Variants in TENM2 observed in about 807,000 individuals in gnomAD.
The protein encoded by TENM2 is teneurin transmembrane protein 2, also known as teneurin-2.
Under a neutral mutation model 245.2 loss-of-function variants are expected in TENM2, and 52 were observed. The ratio of observed to expected loss-of-function variants is 0.21; its 90% CI spans 0.17 to 0.27. The LOEUF is 0.27. TENM2 is among the 10% of genes least tolerant of loss of function. The probability of loss-of-function intolerance (pLI) is 1.00; values close to 1 mark genes in which losing one functional copy is unlikely to be tolerated. For missense variants in TENM2, 3,046 were observed against 3,666.8 expected (o/e 0.83, Z 4.37); for synonymous variants, 1,363 against 1,438.9 (o/e 0.95, Z 1.19).
intron 2 of TENM2, among the ~76,000 whole-genome samples, chr5:167,517,686 C>T (rs921221614): frequency 2.0e-5 from 3 of 152,120 alleles, no homozygotes; most frequent in Admixed American, 6.6e-5. Flanking sequence ...TATCTGGGAA[C>T]ATTTAAAAGC....
At chr5:167,818,665 G>A (rs1767258561) in intron 2 of TENM2, among the ~76,000 whole-genome samples, 1 of 152,078 alleles carries the variant, frequency 6.6e-6, no homozygotes, top group Non-Finnish European at 1.5e-5. Flanking sequence ...AGGGATCTTT[G>A]CTGAGACTTT....
chr5:167,385,788 T>G (rs1761393354), intron 2 of TENM2, among the ~76,000 whole-genome samples: 1 of 151,926 alleles, frequency 6.6e-6, no homozygotes, highest in African/African-American at 2.4e-5. Context: ...TTACTTCACT[T>G]AGAATAATGC....
At chr5:167,931,865 G>A (rs190115871) in intron 3 of TENM2, among the ~76,000 whole-genome samples, 51 of 152,252 alleles carry the variant, frequency 3.3e-4, no homozygotes, top group Non-Finnish European at 1.5e-4. Context: ...TACTTCTGCC[G>A]TTGCAGAGAT....
At chr5:167,560,122 A>C (rs2127638809) in intron 2 of TENM2, among the ~76,000 whole-genome samples, 1 of 152,314 alleles carries the variant, frequency 6.6e-6, no homozygotes, top group South Asian at 2.1e-4. Context: ...TCTTCAGACC[A>C]GTGCCATCAT....
the TENM2 span, among the ~76,000 whole-genome samples, chr5:167,170,253 G>T: frequency 1.3e-5 from 2 of 152,170 alleles, no homozygotes; most frequent in Non-Finnish European, 2.9e-5. Context: ...CAATCGAGCT[G>T]TTACCTCTAT....
the TENM2 span, among the ~76,000 whole-genome samples, chr5:167,166,527 G>A: frequency 0.028 from 4,308 of 152,216 alleles, 227 homozygotes; most frequent in African/African-American, 0.097. Flanking sequence ...AACTGTAAAA[G>A]AATGTATATA....
intron 2 of TENM2, among the ~76,000 whole-genome samples, chr5:167,769,595 G>T (rs1444968997): frequency 6.6e-6 from 1 of 152,116 alleles, no homozygotes; most frequent in Non-Finnish European, 1.5e-5. Flanking sequence ...TTCCCCAGTA[G>T]AAAATTGTTA....
At chr5:167,398,258 G>T (rs1762167359) in intron 2 of TENM2, among the ~76,000 whole-genome samples, 2 of 152,080 alleles carry the variant, frequency 1.3e-5, no homozygotes, top group African/African-American at 4.8e-5. Context: ...CATGACATTG[G>T]CAAATTACCA....
At chr5:167,969,069 ATGCCGACTTTG>A (rs1280826545) in intron 4 of TENM2, among the ~76,000 whole-genome samples, 1 of 152,202 alleles carries the variant, frequency 6.6e-6, no homozygotes, top group Non-Finnish European at 1.5e-5. Flanking sequence ...CATCTCTGAA[ATGCCGACTTTG>A]TGCCCAGTAG....
chr5:167,239,768 T>C, the TENM2 span, among the ~76,000 whole-genome samples: 4 of 152,166 alleles, frequency 2.6e-5, no homozygotes, highest in African/African-American at 9.7e-5. Flanking sequence ...ACTTTTTATA[T>C]TGTTGTTTAT....
At chr5:167,561,728 C>T (rs1341676372) in intron 2 of TENM2, among the ~76,000 whole-genome samples, 1 of 152,108 alleles carries the variant, frequency 6.6e-6, no homozygotes, top group Non-Finnish European at 1.5e-5. Flanking sequence ...CCAATTTACA[C>T]CTCATTGTTA....
chr5:168,099,979 T>C (rs1242201346), intron 9 of TENM2, among the ~76,000 whole-genome samples: 2 of 152,210 alleles, frequency 1.3e-5, no homozygotes, highest in Non-Finnish European at 2.9e-5. Context: ...TTTTATTCTC[T>C]TCGTAGCAAT....
chr5:168,031,696 G>A (rs1440965755), intron 5 of TENM2, among the ~76,000 whole-genome samples: 1 of 140,600 alleles, frequency 7.1e-6, no homozygotes, highest in Non-Finnish European at 1.6e-5. Flanking sequence ...GGGAGCAAGG[G>A]AGGGAGGGAG....
chr5:167,281,465 C>A (rs1341966657), upstream of TENM2, among the ~76,000 whole-genome samples: 2 of 151,990 alleles, frequency 1.3e-5, no homozygotes, highest in African/African-American at 2.4e-5. Flanking sequence ...TGTCTATTTG[C>A]CAACAGTCCG....
intron 13 of TENM2, among the ~76,000 whole-genome samples, chr5:168,174,999 A>G (rs1759224859): frequency 6.6e-6 from 1 of 152,182 alleles, no homozygotes; most frequent in Non-Finnish European, 1.5e-5. Flanking sequence ...CACTTAGGAC[A>G]GGTGGTGCTG....
At chr5:167,845,220 C>T (rs547701938) in intron 2 of TENM2, among the ~76,000 whole-genome samples, 4 of 149,246 alleles carry the variant, frequency 2.7e-5, no homozygotes, top group Middle Eastern at 3.2e-3. Flanking sequence ...CCCCTTCCCC[C>T]GAGTCCCCCC....
intron 4 of TENM2, among the ~76,000 whole-genome samples, chr5:167,956,815 A>G (rs1374036122): frequency 6.6e-6 from 1 of 152,158 alleles, no homozygotes; most frequent in East Asian, 1.9e-4. Context: ...CATCCCAGGG[A>G]TGAAACCGAC....
At chr5:167,280,744 G>A (rs370760797), upstream of TENM2, among the ~76,000 whole-genome samples, 35 of 123,928 alleles carry the variant, frequency 2.8e-4, no homozygotes, top group African/African-American at 1.1e-3. Flanking sequence ...CTATCTGTCT[G>A]TCTATCTGTC....
the TENM2 span, among the ~76,000 whole-genome samples, chr5:167,079,755 A>G: frequency 2.0e-5 from 3 of 152,214 alleles, no homozygotes; most frequent in East Asian, 1.9e-4. Flanking sequence ...CAAAGCCCAA[A>G]TTGAAATGTG....
Sources: allele counts gnomAD v4.1 joint callset (sites outside exome capture counted in the v4.1 genomes callset), GRCh38; gene constraint gnomAD v4.1.1; transcripts MANE v1.5; gene names NCBI Gene and HGNC (gene_info 2026-07-23, HGNC 2026-07-21).